The following C3 variants were observed in gnomAD, a reference collection of about 807,000 sequenced individuals.
C3 encodes C3 and PZP-like alpha-2-macroglobulin domain-containing protein 1.
Under a neutral mutation model 207.9 loss-of-function variants are expected in C3, and 97 were observed. The ratio of observed to expected loss-of-function variants is 0.47; its 90% CI spans 0.40 to 0.55. The LOEUF (loss-of-function observed/expected upper bound fraction) is 0.55, where lower values mean the gene tolerates loss of function less well. Ranked by LOEUF, C3 falls within the 20% of genes least tolerant of loss-of-function variation. C3 has a pLI of 0.00. For synonymous variants in C3, 848 were observed against 857.6 expected (o/e 0.99, Z 0.20); for missense variants, 1,684 against 2,171.7 (o/e 0.78, Z 4.46).
chr19:6,678,531 C>G, intron 38 of C3, 76 bp from the exon 39 acceptor site: 2 of 1,193,978 alleles, frequency 1.7e-6, no homozygotes, highest in Non-Finnish European at 2.5e-6. Flanking sequence ...CAAGTGCACC[C>G]GGGCATGTGG....
At chr19:6,695,516 G>A (rs574000066) in intron 23 of C3, among the ~76,000 whole-genome samples, 2 of 152,120 alleles carry the variant, frequency 1.3e-5, no homozygotes, top group East Asian at 2.0e-4. Context: ...GTCTTGCTCT[G>A]CCGCCCAGGC....
At position 6,682,036 on chromosome 19, in the gene C3, G is replaced by A. The variant is rs759927155; in HGVS notation, c.4261-6C>T. On this transcript the variant is annotated splice_region_variant and splice_polypyrimidine_tract_variant and intron_variant, in intron 34 of 40. Coordinates refer to ENST00000245907, the MANE Select transcript of C3 (RefSeq NM_000064.4). ...CTGTCAACACCATTGGCCAGCTGGG[G>A]AAAGGTGGAGCCTGTGAAAAATCCC... The A allele has an allele frequency of 1.2e-6, 2 of 1,613,402 alleles. No individual in the cohort carries two copies. The highest frequency in any genetic ancestry group is 3.3e-5 in the Admixed American group (2 of 60,028).
In C3 at chr19:6,710,800, C is replaced by G. The variant is rs553913386; in HGVS notation, c.1525G>C (p.Glu509Gln). 6.2e-7 allele frequency: 1 copy of G among 1,613,956 alleles called. No homozygotes were observed. Among genetic ancestry groups the G allele is most frequent in the Admixed American group, 1.7e-5 (1 of 60,026 alleles). The change falls in exon 13 of 41, where the codon GAG (glutamate) becomes CAG (glutamine). Residue 509 changes from glutamate to glutamine, a missense_variant. Coordinates refer to ENST00000245907, the MANE Select transcript of C3 (RefSeq NM_000064.4). ...AGCACCACCAGGTCCTGGCCGGGCT[C>G]TCGCACCTGGCGTCCCGCCTTCAAC... ...RLLKAGRQVR[E>Q]PGQDLVVLPL...
At position 6,690,602 on chromosome 19, in the gene C3, T is replaced by G. The variant is rs3745568; in HGVS notation, c.3489+27A>C. 0.1 allele frequency: 162,993 copies of G among 1,575,370 alleles called. 9,180 individuals carry two copies. Among genetic ancestry groups the G allele is most frequent in the Non-Finnish European group, 0.12 (132,220 of 1,144,498 alleles). ...GTGCTCTGCATCGGGTAAGGTAGGG[T>G]AGGGTGGGAAGATGGAGGGCACTTA... On this transcript the variant is annotated intron_variant, in intron 27 of 40. Coordinates refer to ENST00000245907, the MANE Select transcript of C3 (RefSeq NM_000064.4).
intron 4 of C3, 42 bp from the exon 5 acceptor site, chr19:6,714,488 T>G: frequency 1.6e-5 from 23 of 1,438,832 alleles, no homozygotes; most frequent in Middle Eastern, 1.7e-4. Flanking sequence ...AAAGTGGCTC[T>G]TCGGAGGCTG....
chr19:6,678,014 G>A lies in C3; in HGVS notation c.4860C>T (p.Tyr1620=), dbSNP rs1161706339. ...DFWGEKPNLS[Y]IIGKDTWVEH... is the part of the protein sequence containing the mutation. ...CCACCCAAGTGTCCTTCCCGATGAT[G>A]TAGCTGAGGCTGGAGGGAAGAATGG... Residue 1620 remains tyrosine, a synonymous_variant, in exon 41 of 41, where the codon TAC becomes TAT. Coordinates refer to ENST00000245907, the MANE Select transcript of C3 (RefSeq NM_000064.4). The A allele has an allele frequency of 1.2e-6, 2 of 1,614,214 alleles. No individual in the cohort carries two copies. Among genetic ancestry groups the A allele is most frequent in the South Asian group, 2.2e-5 (2 of 91,088 alleles).
intron 4 of C3, chr19:6,716,957 G>T (rs1968045034): frequency 6.6e-6 from 1 of 152,276 alleles, no homozygotes; most frequent in Non-Finnish European, 1.5e-5. Context: ...GGAAGAAGAG[G>T]GTTTTCTTGA....
chr19:6,710,920 A>C, intron 12 of C3, 67 bp downstream of exon 12: 1 of 1,600,082 alleles, frequency 6.2e-7, no homozygotes, highest in South Asian at 1.1e-5. Flanking sequence ...GGATGGGGGA[A>C]GGAGTCCCAG....
intron 6 of C3, 22 bp downstream of exon 6, chr19:6,714,144 C>A (rs754458846): frequency 1.6e-5 from 26 of 1,612,510 alleles, no homozygotes; most frequent in Non-Finnish European, 2.0e-5. Flanking sequence ...CACTGACTCC[C>A]CCCAGCCCCT....
intron 9 of C3, among the ~76,000 whole-genome samples, chr19:6,712,851 G>A (rs967025083): frequency 2.0e-5 from 3 of 151,524 alleles, no homozygotes; most frequent in Admixed American, 1.3e-4. Flanking sequence ...CCATCAGACC[G>A]GACCCCACCT....
rs1393149356 is a variant in C3 at position 6,713,261 on chromosome 19, C to T, written c.931G>A (p.Val311Met). Residue 311 changes from valine to methionine, a missense_variant, in exon 9 of 41, where the codon GTG becomes ATG. This residue lies in a region of C3 where 1,280 missense variants were observed against 1,739.1 expected (regional missense o/e 0.74). Coordinates refer to ENST00000245907, the MANE Select transcript of C3 (RefSeq NM_000064.4). ...VLSRKVLLDG[V>M]QNPRAEDLVG... ...AGGTCTTCTGCTCGGGGGTTCTGCA[C>T]CCCGTCCAGCAGTACCTTCCGGCTC... is the stretch of plus-strand genomic sequence containing the variant. The T allele has an allele frequency of 6.2e-7, 1 of 1,613,710 alleles. No homozygotes were observed. Among genetic ancestry groups the T allele is most frequent in the Non-Finnish European group, 8.5e-7 (1 of 1,180,008 alleles).
Position 6,713,464 on chromosome 19 carries a change from G to C in C3, c.819C>G (p.Phe273Leu). 1.2e-6 allele frequency: 2 copies of C among 1,613,886 alleles called. No homozygotes were observed. The highest frequency in any genetic ancestry group is 1.7e-6 in the Non-Finnish European group (2 of 1,179,912). The change falls in exon 8 of 41, where the codon TTC (phenylalanine) becomes TTG (leucine). Residue 273 changes from phenylalanine to leucine, a missense_variant. Phe to Leu is a conservative substitution (Grantham distance 22). Transcript: ENST00000245907. ...TCCTCTGTTCGCCATCCTGGATCCC[G>C]AAGATGACAAAGGCAGTTCCCTCCA... ...KKVEGTAFVI[F>L]GIQDGEQRIS...
chr19:6,712,291 T>G lies in C3; in HGVS notation c.1235A>C (p.Asn412Thr). 6.2e-7 allele frequency: 1 copy of G among 1,614,044 alleles called. No homozygotes were observed. The highest frequency in any genetic ancestry group is 8.5e-7 in the Non-Finnish European group (1 of 1,180,014). ...QGDGVAKLSI[N>T]THPSQKPLSI... Reference sequence around the variant, plus strand: ...CAAGGGCTTCTGGCTGGGGTGTGTGTTGATGCTGAGTTTGGCCACGCCATC... The same window carrying G: ...CAAGGGCTTCTGGCTGGGGTGTGTGGTGATGCTGAGTTTGGCCACGCCATC... Residue 412 changes from asparagine (N) to threonine (T), a missense_variant, in exon 11 of 41, where the codon AAC becomes ACC. Asn to Thr is a moderately conservative substitution (Grantham distance 65). Coordinates refer to ENST00000245907, the MANE Select transcript of C3 (RefSeq NM_000064.4).
intron 23 of C3, among the ~76,000 whole-genome samples, chr19:6,695,880 TA>T (rs1001919114): frequency 6.6e-6 from 1 of 152,082 alleles, no homozygotes; most frequent in African/African-American, 2.4e-5. Flanking sequence ...GAGGCTTCTA[TA>T]AAACCGATCA....
chr19:6,710,591 A>G (rs1472070892), intron 13 of C3, 48 bp downstream of exon 13: 6 of 1,274,940 alleles, frequency 4.7e-6, no homozygotes, highest in South Asian at 2.5e-5. Context: ...AGAGAGAGAG[A>G]GGAGTAGGGA....
intron 17 of C3, among the ~76,000 whole-genome samples, chr19:6,704,728 C>T (rs1317426164): frequency 6.6e-6 from 1 of 152,092 alleles, no homozygotes; most frequent in Non-Finnish European, 1.5e-5. Flanking sequence ...CACTGTACTG[C>T]AGCCTGTGTG....
At chr19:6,680,320 G>A (rs1403457820) in intron 35 of C3, 57 bp from the exon 36 acceptor site, 1 of 914,996 alleles carries the variant, frequency 1.1e-6, no homozygotes, top group African/African-American at 1.6e-5. Context: ...GTCCAGCATT[G>A]TCTTGGGAGC....
intron 40 of C3, 53 bp downstream of exon 40, chr19:6,678,099 G>A (rs1271775571): frequency 3.1e-6 from 5 of 1,614,050 alleles, no homozygotes; most frequent in Admixed American, 1.7e-5. Flanking sequence ...GTGTGGGCGT[G>A]GCATGGGCGG....
chr19:6,696,532 C>T (rs1285748758), intron 22 of C3, 61 bp downstream of exon 22: 1 of 1,599,872 alleles, frequency 6.3e-7, no homozygotes, highest in Non-Finnish European at 8.6e-7. Flanking sequence ...TCACTAAACC[C>T]AGGTCATTTA....
Sources: gnomAD v4.1 joint callset for allele counts (sites outside exome capture counted in the v4.1 genomes callset) on GRCh38, gnomAD v4.1.1 for gene constraint, gnomAD v4.1.1 regional missense constraint, MANE v1.5 for transcripts, NCBI Gene and HGNC (gene_info 2026-07-23, HGNC 2026-07-21) for gene names.